Variants in SELENOP observed in about 807,000 individuals in gnomAD.
SELENOP encodes selenoprotein P, plasma, 1.
In SELENOP, 36 loss-of-function variants were observed where a neutral mutation model predicts 41.0. The observed-to-expected ratio is 0.88, with a 90% CI of 0.67 to 1.16. SELENOP has a LOEUF of 1.16. Among genes scored for constraint, SELENOP ranks in the 50% most tolerant of loss-of-function variants. The pLI, the probability that SELENOP is intolerant of heterozygous loss-of-function variation, is 0.00. For missense variants in SELENOP, 440 were observed against 454.2 expected (o/e 0.97, Z 0.28); for synonymous variants, 144 against 150.8 (o/e 0.95, Z 0.33).
At chr5:42,808,031 T>G in intron 2 of SELENOP, 120 bp downstream of exon 2, 1 of 442,548 alleles carries the variant, frequency 2.3e-6, no homozygotes, top group Non-Finnish European at 3.8e-6. Flanking sequence ...TGCAAACACA[T>G]AGTTTTTCTA....
At chr5:42,809,588 A>G (rs1760416819) in intron 1 of SELENOP, among the ~76,000 whole-genome samples, 1 of 152,188 alleles carries the variant, frequency 6.6e-6, no homozygotes, top group South Asian at 2.1e-4. Flanking sequence ...AAGCAGATGC[A>G]TTTCTTTGGA....
rs77244926 is a variant in SELENOP, at chr5:42,807,920, A to G, written c.203+231T>C. 450 of 288,140 alleles carry G rather than the reference A, an allele frequency of 1.6e-3. 7 individuals are homozygous for G. In the East Asian group the frequency reaches 0.025, roughly 16 times the overall value. 17.8% of individuals were successfully genotyped at this position (288,140 alleles called of 1,614,324 possible). Reference sequence around the variant, plus strand: ...CATATTTAGTAGGAAGTTATAAAATATAGGTGCACAAAAAGAAGAAAAAAT... The same window carrying G: ...CATATTTAGTAGGAAGTTATAAAATGTAGGTGCACAAAAAGAAGAAAAAAT... On this transcript the variant is annotated intron_variant, in intron 2 of 4. Coordinates refer to ENST00000514985, the MANE Select transcript of SELENOP (RefSeq NM_005410.4).
rs777147809 is a variant in SELENOP, at chr5:42,806,930, T to G, written c.382A>C (p.Asn128His). ...ENQTDVWTLL[N>H]GSKDDFLIYD... ...ATGAGGAAGTCATCTTTGCTTCCAT[T>G]TAAAAGAGTCCAGACATCTGTTTGG... is the stretch of plus-strand genomic sequence containing the variant. Residue 128 changes from asparagine (N) to histidine (H), a missense_variant, in exon 3 of 5, where the codon AAT becomes CAT. Asn to His is a moderately conservative substitution (Grantham distance 68). Transcript: ENST00000514985. The G allele has an allele frequency of 9.3e-6, 15 of 1,611,118 alleles. No individual in the cohort carries two copies. Among genetic ancestry groups the G allele is most frequent in the Middle Eastern group, 1.7e-4 (1 of 6,008 alleles).
chr5:42,806,998 T>G lies in SELENOP; in HGVS notation c.314A>C (p.Asn105Thr). 1 of 1,605,520 alleles carries G rather than the reference T, an allele frequency of 6.2e-7. No individual in the cohort carries two copies. Among genetic ancestry groups the G allele is most frequent in the Non-Finnish European group, 8.5e-7 (1 of 1,172,746 alleles). Residue 105 changes from asparagine (N) to threonine (T), a missense_variant, in exon 3 of 5, where the codon AAT becomes ACT. Asn to Thr is a moderately conservative substitution (Grantham distance 65, BLOSUM62 0). Transcript: ENST00000514985. ...SSRLKYTHLK[N>T]KVSEHIPVYQ... ...AACAGGAATATGCTCTGAAACCTTA[T>G]TCTTAAGATGTGTGTATTTTAATCG...
At chr5:42,807,178 C>G (rs1222772517) in intron 2 of SELENOP, 70 bp from the exon 3 acceptor site, 2 of 773,768 alleles carry the variant, frequency 2.6e-6, no homozygotes, top group Non-Finnish European at 4.2e-6. Flanking sequence ...TTTTCTCCCT[C>G]TTCCTTAATT....
chr5:42,804,527 A>T, intron 4 of SELENOP, 129 bp downstream of exon 4: 1 of 535,792 alleles, frequency 1.9e-6, no homozygotes, highest in South Asian at 3.1e-5. Flanking sequence ...TGTTTGTTTA[A>T]TTGTAAAAAT....
chr5:42,808,222 G>A lies in SELENOP; in HGVS notation c.132C>T (p.Asn44=), dbSNP rs1760376342. 3 of 1,588,202 alleles carry A rather than the reference G, an allele frequency of 1.9e-6. No individual in the cohort carries two copies. Among genetic ancestry groups the A allele is most frequent in the East Asian group, 2.3e-5 (1 of 42,964 alleles). ...WSIRDQDPML[N]SNGSVTVVAL... ...CAACCACAGTCACTGAACCATTGGA[G>A]TTTAGCATTGGATCTTGATCTCTTA... The change falls in exon 2 of 5, where the codon AAC becomes AAT. Residue 44 remains asparagine, a synonymous_variant. Transcript: ENST00000514985.
intron 3 of SELENOP, chr5:42,806,404 A>G (rs944379672): frequency 1.3e-5 from 2 of 152,732 alleles, no homozygotes; most frequent in African/African-American, 4.8e-5. Context: ...GAATATGTCT[A>G]GGAAGTAGAC....
intron 1 of SELENOP, chr5:42,810,583 C>A (rs967823432): frequency 3.9e-5 from 6 of 154,500 alleles, no homozygotes; most frequent in Non-Finnish European, 7.3e-5. Flanking sequence ...CCTCACCCTC[C>A]CAAGTAGCTG....
At chr5:42,808,679 C>CT in intron 1 of SELENOP, among the ~76,000 whole-genome samples, 1 of 151,334 alleles carries the variant, frequency 6.6e-6, no homozygotes, top group East Asian at 2.0e-4. Context: ...GAGGCCGAGG[C>CT]TGGCAGATCA....
chr5:42,809,291 T>C (rs2111650614), intron 1 of SELENOP, among the ~76,000 whole-genome samples: 1 of 152,346 alleles, frequency 6.6e-6, no homozygotes, highest in South Asian at 2.1e-4. Context: ...GCACTTTCTT[T>C]GGTAAAAAGA....
chr5:42,809,838 CTTAT>C (rs1760422582), intron 1 of SELENOP: 1 of 665,606 alleles, frequency 1.5e-6, no homozygotes, highest in South Asian at 6.8e-5. Flanking sequence ...AATTAACTTA[CTTAT>C]TTAAGGCCAC....
chr5:42,802,278 C>T (rs1437256552), intron 4 of SELENOP: 2 of 152,110 alleles, frequency 1.3e-5, no homozygotes, highest in Admixed American at 1.3e-4. Context: ...AGACTCAAAG[C>T]CTATAGATAC....
chr5:42,804,617 TTCC>T, intron 4 of SELENOP, 36 bp downstream of exon 4: 1 of 1,171,084 alleles, frequency 8.5e-7, no homozygotes, highest in Non-Finnish European at 1.2e-6. Context: ...CTTAAAAGAT[TTCC>T]TCTTTTCTCC....
intron 2 of SELENOP, chr5:42,807,946 T>C (rs1158527850): frequency 2.9e-6 from 1 of 341,516 alleles, no homozygotes; most frequent in African/African-American, 2.1e-5. Flanking sequence ...AAGAAAAAAT[T>C]TCCATAACCC....
At chr5:42,807,131 C>A in intron 2 of SELENOP, 23 bp from the exon 3 acceptor site, 1 of 1,153,596 alleles carries the variant, frequency 8.7e-7, no homozygotes, top group South Asian at 1.4e-5. Context: ...GGAAGAAATA[C>A]ATAAAATGAA....
chr5:42,811,592 C>T (rs756457888), intron 1 of SELENOP, among the ~76,000 whole-genome samples: 63 of 152,224 alleles, frequency 4.1e-4, no homozygotes, highest in Non-Finnish European at 6.8e-4. Flanking sequence ...CCAGCTTCCT[C>T]TGCTCTCAGC....
rs1326287734 is a variant in SELENOP, at chr5:42,804,728, T to C, written c.462A>G (p.Leu154=). ...TGGCTTCTTCTACATATGGGAAAGT[T>C]AGGAAGGAAAAAGGCAAACCAAGAT... is the stretch of plus-strand genomic sequence containing the variant. ...VYHLGLPFSF[L]TFPYVEEAIK... The change falls in exon 4 of 5, where the codon CTA becomes CTG. Residue 154 remains leucine, a synonymous_variant. Transcript: ENST00000514985. 6.2e-7 allele frequency: 1 copy of C among 1,611,738 alleles called. No individual in the cohort carries two copies.
chr5:42,807,158 G>C (rs1310544448), intron 2 of SELENOP, 50 bp from the exon 3 acceptor site: 2 of 951,192 alleles, frequency 2.1e-6, no homozygotes. Flanking sequence ...CATTTGATTT[G>C]ATTAGTGGTT....
Sources: gnomAD v4.1 joint callset for allele counts (sites outside exome capture counted in the v4.1 genomes callset) on GRCh38, gnomAD v4.1.1 for gene constraint, MANE v1.5 for transcripts, NCBI Gene and HGNC (gene_info 2026-07-23, HGNC 2026-07-21) for gene names.